The following MTUS2 variants were observed in gnomAD, a reference collection of about 807,000 sequenced individuals.
MTUS2 encodes the protein microtubule-associated tumor suppressor candidate 2.
Under a neutral mutation model 114.1 loss-of-function variants are expected in MTUS2, and 40 were observed. The ratio of observed to expected loss-of-function variants is 0.35; its 90% CI spans 0.27 to 0.46. MTUS2 has a LOEUF of 0.46. Among genes scored for constraint, MTUS2 ranks in the 20% least tolerant of loss-of-function variants. The probability of loss-of-function intolerance (pLI) is 1.00; values close to 1 mark genes in which losing one functional copy is unlikely to be tolerated. For missense variants in MTUS2, 1,679 were observed against 1,705.4 expected, an observed-to-expected ratio of 0.98 and a Z score of 0.27; for synonymous variants, 688 against 672.0, an observed-to-expected ratio of 1.02 and a Z score of -0.37.
chr13:29,240,591 A>T (rs1325790297), intron 5 of MTUS2, among the ~76,000 whole-genome samples: 1 of 152,238 alleles, frequency 6.6e-6, no homozygotes, highest in Non-Finnish European at 1.5e-5. Flanking sequence ...TCAGTGTAAG[A>T]TAAAAAATAA....
At chr13:28,846,786 G>A (rs1054338339) in intron 2 of MTUS2, among the ~76,000 whole-genome samples, 11 of 152,198 alleles carry the variant, frequency 7.2e-5, no homozygotes, top group African/African-American at 1.9e-4. Flanking sequence ...TAACAAAATT[G>A]ATAGTCTATG....
chr13:29,129,015 T>A (rs1891638666), intron 5 of MTUS2, among the ~76,000 whole-genome samples: 1 of 152,236 alleles, frequency 6.6e-6, no homozygotes, highest in Non-Finnish European at 1.5e-5. Flanking sequence ...TTCAAACCAT[T>A]GCCCTAAATG....
At chr13:29,139,830 T>A (rs532602548) in intron 5 of MTUS2, among the ~76,000 whole-genome samples, 1 of 152,332 alleles carries the variant, frequency 6.6e-6, no homozygotes, top group Admixed American at 6.5e-5. Flanking sequence ...TGGTGAAGAT[T>A]CTGGGTCTCT....
intron 3 of MTUS2, among the ~76,000 whole-genome samples, chr13:29,033,505 G>A (rs1310076649): frequency 6.6e-6 from 1 of 151,928 alleles, no homozygotes; most frequent in Admixed American, 6.6e-5. Flanking sequence ...TTTCCCACAG[G>A]TATAATAAAA....
chr13:29,148,156 T>C (rs1025979555), intron 5 of MTUS2, among the ~76,000 whole-genome samples: 3 of 152,112 alleles, frequency 2.0e-5, no homozygotes, highest in Middle Eastern at 6.4e-3. Flanking sequence ...GATGGTATCG[T>C]ATTGTGGTTT....
chr13:29,128,140 C>G (rs9508288), intron 5 of MTUS2, among the ~76,000 whole-genome samples: 67,534 of 151,994 alleles, frequency 0.44, 16,104 homozygotes, highest in Non-Finnish European at 0.52. Flanking sequence ...GTGGGACAGA[C>G]AGACAGAATA....
chr13:29,334,844 C>T (rs1419106825), intron 7 of MTUS2, among the ~76,000 whole-genome samples: 1 of 152,168 alleles, frequency 6.6e-6, no homozygotes, highest in Admixed American at 6.5e-5. Context: ...TTATCACTTC[C>T]CCAATCAATA....
At chr13:29,491,735 C>T (rs1379806038) in intron 11 of MTUS2, among the ~76,000 whole-genome samples, 7 of 89,370 alleles carry the variant, frequency 7.8e-5, no homozygotes, top group Non-Finnish European at 1.1e-4. Flanking sequence ...GTGTGTGGGG[C>T]GTGTGGGGTG....
chr13:29,464,725 C>T (rs779206366), intron 9 of MTUS2, among the ~76,000 whole-genome samples: 3 of 152,058 alleles, frequency 2.0e-5, no homozygotes, highest in Non-Finnish European at 2.9e-5. Flanking sequence ...CAGGATCCTC[C>T]GATAATTGGT....
chr13:29,447,911 C>T (rs1878404051), intron 9 of MTUS2, among the ~76,000 whole-genome samples: 1 of 152,074 alleles, frequency 6.6e-6, no homozygotes, highest in East Asian at 1.9e-4. Flanking sequence ...TCTGATGGAA[C>T]ACCACACTCC....
chr13:28,945,979 C>G (rs527743032), intron 2 of MTUS2, among the ~76,000 whole-genome samples: 10 of 152,210 alleles, frequency 6.6e-5, no homozygotes, highest in African/African-American at 2.4e-4. Flanking sequence ...ACAGCTTTAC[C>G]TCATGGATGA....
At chr13:28,993,786 G>C (rs1884964286) in intron 2 of MTUS2, among the ~76,000 whole-genome samples, 1 of 151,794 alleles carries the variant, frequency 6.6e-6, no homozygotes, top group African/African-American at 2.4e-5. Flanking sequence ...TGTACCATAT[G>C]TTACTGTCTT....
intron 8 of MTUS2, among the ~76,000 whole-genome samples, chr13:29,437,840 TG>T (rs1286258146): frequency 2.0e-5 from 3 of 151,744 alleles, no homozygotes; most frequent in Admixed American, 6.6e-5. Context: ...CCCTGCTACT[TG>T]GGAGGCTGAG....
chr13:29,084,137 G>T (rs563014972), intron 4 of MTUS2, among the ~76,000 whole-genome samples: 7 of 152,276 alleles, frequency 4.6e-5, no homozygotes, highest in Non-Finnish European at 1.0e-4. Context: ...AGGCCATGAA[G>T]ATTTGCCTGT....
intron 2 of MTUS2, among the ~76,000 whole-genome samples, chr13:28,876,725 G>C (rs755242870): frequency 6.6e-6 from 1 of 152,160 alleles, no homozygotes; most frequent in Non-Finnish European, 1.5e-5. Flanking sequence ...GTGAGGGGAA[G>C]CACTAGAGGA....
At chr13:29,023,568 C>A (rs1458206116) in intron 2 of MTUS2, among the ~76,000 whole-genome samples, 1 of 152,084 alleles carries the variant, frequency 6.6e-6, no homozygotes, top group African/African-American at 2.4e-5. Context: ...TTTCAAGAAC[C>A]AAATTAATCT....
chr13:29,104,710 A>C (rs867843150), intron 5 of MTUS2, among the ~76,000 whole-genome samples: 1 of 152,238 alleles, frequency 6.6e-6, no homozygotes, highest in South Asian at 2.1e-4. Flanking sequence ...CGTCACATGA[A>C]GATTACAAGG....
At chr13:28,970,380 C>T (rs1883797622) in intron 2 of MTUS2, among the ~76,000 whole-genome samples, 1 of 152,132 alleles carries the variant, frequency 6.6e-6, no homozygotes, top group African/African-American at 2.4e-5. Flanking sequence ...AACCTATGGC[C>T]CATAGACCAC....
At chr13:28,915,184 A>C (rs947964201) in intron 2 of MTUS2, among the ~76,000 whole-genome samples, 2 of 145,014 alleles carry the variant, frequency 1.4e-5, no homozygotes, top group African/African-American at 2.8e-5. Flanking sequence ...TATTTTCTTT[A>C]TTTATTCATC....
Sources: allele counts gnomAD v4.1 joint callset (sites outside exome capture counted in the v4.1 genomes callset), GRCh38; gene constraint gnomAD v4.1.1; transcripts MANE v1.5; gene names NCBI Gene and HGNC (gene_info 2026-07-23, HGNC 2026-07-21).